RIMS2: variants seen among roughly 807,000 people sequenced by gnomAD.
RIMS2 encodes the protein regulating synaptic membrane exocytosis protein 2.
In RIMS2, 59 loss-of-function variants were observed where a neutral mutation model predicts 174.4. The observed-to-expected ratio is 0.34, with a 90% CI of 0.27 to 0.42. The LOEUF is 0.42. Ranked by LOEUF, RIMS2 falls within the 10% of genes least tolerant of loss-of-function variation. The pLI is 1.00. For missense variants in RIMS2, 1,620 were observed against 1,666.3 expected, an observed-to-expected ratio of 0.97 and a Z score of 0.48; for synonymous variants, 606 against 572.5, an observed-to-expected ratio of 1.06 and a Z score of -0.84.
At chr8:104,126,487 G>T (rs1052713177) in intron 19 of RIMS2, among the ~76,000 whole-genome samples, 2 of 152,120 alleles carry the variant, frequency 1.3e-5, no homozygotes, top group African/African-American at 4.8e-5. Context: ...CTCCAATATA[G>T]TACAGTACTC....
intron 2 of RIMS2, among the ~76,000 whole-genome samples, chr8:103,699,600 C>A (rs2137410985): frequency 6.6e-6 from 1 of 151,716 alleles, no homozygotes; most frequent in East Asian, 1.9e-4. Flanking sequence ...TTTTTCGTTT[C>A]TTTTCTTGTC....
chr8:103,980,446 T>C (rs1228194936), intron 16 of RIMS2, among the ~76,000 whole-genome samples: 5 of 152,158 alleles, frequency 3.3e-5, no homozygotes, highest in Non-Finnish European at 7.4e-5. Context: ...AACTATGCTG[T>C]GGGCATTGGG....
intron 19 of RIMS2, among the ~76,000 whole-genome samples, chr8:104,116,353 T>A (rs965855698): frequency 6.6e-6 from 1 of 152,178 alleles, no homozygotes; most frequent in Non-Finnish European, 1.5e-5. Flanking sequence ...GGATTTTAAG[T>A]CTCCAGAAGT....
At chr8:104,167,480 T>C (rs532261355) in intron 19 of RIMS2, among the ~76,000 whole-genome samples, 11 of 152,304 alleles carry the variant, frequency 7.2e-5, no homozygotes, top group African/African-American at 2.6e-4. Context: ...TATCCTTTTT[T>C]GATAATTGTC....
chr8:103,722,674 A>C (rs2097467086), intron 2 of RIMS2, among the ~76,000 whole-genome samples: 1 of 152,154 alleles, frequency 6.6e-6, no homozygotes, highest in South Asian at 2.1e-4. Context: ...TGTGAAGCCC[A>C]GTTCCTAACA....
At chr8:103,631,669 T>C (rs1202218345) in intron 1 of RIMS2, among the ~76,000 whole-genome samples, 1 of 152,230 alleles carries the variant, frequency 6.6e-6, no homozygotes, top group Non-Finnish European at 1.5e-5. Context: ...CTGTGAAGAA[T>C]GTCATTAGTA....
At chr8:104,047,781 T>C (rs868098932) in intron 19 of RIMS2, among the ~76,000 whole-genome samples, 2 of 152,094 alleles carry the variant, frequency 1.3e-5, no homozygotes, top group African/African-American at 2.4e-5. Context: ...GTTTAGGAGA[T>C]AACTGACAAG....
At chr8:103,864,571 A>C (rs1385552406) in intron 3 of RIMS2, among the ~76,000 whole-genome samples, 3 of 152,188 alleles carry the variant, frequency 2.0e-5, no homozygotes, top group Non-Finnish European at 4.4e-5. Context: ...AAATTTCCTG[A>C]GACTTACTTT....
intron 19 of RIMS2, among the ~76,000 whole-genome samples, chr8:104,177,873 T>C (rs958533467): frequency 1.3e-5 from 2 of 152,068 alleles, no homozygotes; most frequent in African/African-American, 4.8e-5. Context: ...AGAGGAAAAG[T>C]GGTATTTGAT....
chr8:103,567,264 A>G (rs1369949039), intron 1 of RIMS2, among the ~76,000 whole-genome samples: 1 of 152,164 alleles, frequency 6.6e-6, no homozygotes, highest in African/African-American at 2.4e-5. Context: ...CAGTTTTGGA[A>G]TATTTTCATC....
chr8:103,636,287 A>G (rs2096071714), intron 1 of RIMS2, among the ~76,000 whole-genome samples: 1 of 152,140 alleles, frequency 6.6e-6, no homozygotes, highest in Non-Finnish European at 1.5e-5. Flanking sequence ...GGGTGTGCAC[A>G]GAAGTCTAAC....
chr8:103,644,358 G>A (rs2096285184), intron 1 of RIMS2, among the ~76,000 whole-genome samples: 2 of 150,786 alleles, frequency 1.3e-5, no homozygotes, highest in African/African-American at 4.9e-5. Flanking sequence ...GCTAACAAGA[G>A]TTGTTGATTT....
intron 2 of RIMS2, among the ~76,000 whole-genome samples, chr8:103,712,669 A>C (rs1347852625): frequency 6.6e-6 from 1 of 152,218 alleles, no homozygotes; most frequent in Non-Finnish European, 1.5e-5. Context: ...AGATATAAAA[A>C]ATTCATGACA....
At chr8:103,565,771 T>C (rs1248849298) in intron 1 of RIMS2, among the ~76,000 whole-genome samples, 1 of 152,188 alleles carries the variant, frequency 6.6e-6, no homozygotes, top group Non-Finnish European at 1.5e-5. Context: ...TAGGGAGGCC[T>C]CTGAACACTG....
intron 1 of RIMS2, among the ~76,000 whole-genome samples, chr8:103,632,504 T>A (rs1017596480): frequency 6.6e-6 from 1 of 152,018 alleles, no homozygotes; most frequent in African/African-American, 2.4e-5. Flanking sequence ...CACTGCAGCC[T>A]CTGCCACCCG....
intron 19 of RIMS2, among the ~76,000 whole-genome samples, chr8:104,110,067 T>C (rs2098151070): frequency 6.6e-6 from 1 of 152,124 alleles, no homozygotes; most frequent in Non-Finnish European, 1.5e-5. Flanking sequence ...GAATAAAAAG[T>C]ATAAAAAGTA....
At chr8:104,056,441 A>G (rs998003295) in intron 19 of RIMS2, among the ~76,000 whole-genome samples, 4 of 152,072 alleles carry the variant, frequency 2.6e-5, no homozygotes, top group Non-Finnish European at 5.9e-5. Flanking sequence ...ATGGAATTAT[A>G]AAGAGTATCT....
chr8:104,233,010 T>C lies in RIMS2; in HGVS notation c.3335-11906T>C, dbSNP rs370648358. Among the ~76,000 whole-genome samples, 8 of 152,334 alleles carry C rather than the reference T, an allele frequency of 5.3e-5. No individual in the cohort carries two copies. The East Asian group carries it at 9.6e-4, about 18-fold the overall frequency. On this transcript the variant is annotated intron_variant, in intron 19 of 23. Coordinates refer to ENST00000504942, the Ensembl canonical transcript of RIMS2. ...CTAAGCTCAATATGATTAGCTATTT[T>C]TTAATTCTTTTAAATAAGAGTTTGT...
At chr8:103,768,970 A>T (rs1233310651) in intron 3 of RIMS2, 1 of 376,026 alleles carries the variant, frequency 2.7e-6, no homozygotes, top group Admixed American at 3.3e-5. Flanking sequence ...AATTGCTAAG[A>T]AATGCAGGCT....
Sources: allele counts gnomAD v4.1 joint callset (sites outside exome capture counted in the v4.1 genomes callset), GRCh38; gene constraint gnomAD v4.1.1; transcripts MANE v1.5; gene names NCBI Gene and HGNC (gene_info 2026-07-23, HGNC 2026-07-21).